PRORP: variants seen among roughly 807,000 people sequenced by gnomAD.
PRORP encodes the protein mitochondrial ribonuclease P catalytic subunit.
In PRORP, 51 loss-of-function variants were observed where a neutral mutation model predicts 59.4. The ratio of observed to expected loss-of-function variants is 0.86; its 90% CI spans 0.69 to 1.08. The LOEUF (loss-of-function observed/expected upper bound fraction) is 1.08. Among genes scored for constraint, PRORP ranks in the 50% least tolerant of loss-of-function variants. The pLI, the probability that PRORP is intolerant of heterozygous loss-of-function variation, is 0.00. For synonymous variants in PRORP, 231 were observed against 245.6 expected, an observed-to-expected ratio of 0.94 and a Z score of 0.55; for missense variants, 646 against 690.3, an observed-to-expected ratio of 0.94 and a Z score of 0.72.
At chr14:35,263,324 T>A (rs1338199806) in intron 5 of PRORP, among the ~76,000 whole-genome samples, 2 of 152,236 alleles carry the variant, frequency 1.3e-5, no homozygotes, top group East Asian at 3.9e-4. Flanking sequence ...AACGAAAAAA[T>A]ATATTTATGA....
intron 4 of PRORP, among the ~76,000 whole-genome samples, chr14:35,149,907 C>T (rs1262977917): frequency 3.3e-5 from 5 of 152,012 alleles, no homozygotes; most frequent in South Asian, 4.2e-4. Flanking sequence ...TGGAGTGCAG[C>T]GGCATAATCT....
At chr14:35,258,282 G>A (rs1237319189) in intron 5 of PRORP, among the ~76,000 whole-genome samples, 3 of 152,014 alleles carry the variant, frequency 2.0e-5, no homozygotes, top group African/African-American at 4.8e-5. Context: ...ATGAGCCACC[G>A]CACCTGGCAA....
At chr14:35,197,272 C>G (rs969006923) in intron 5 of PRORP, among the ~76,000 whole-genome samples, 1 of 152,078 alleles carries the variant, frequency 6.6e-6, no homozygotes, top group East Asian at 1.9e-4. Context: ...TTTTAAAACA[C>G]TCTCATTGAG....
intron 5 of PRORP, among the ~76,000 whole-genome samples, chr14:35,261,716 G>T (rs199812355): frequency 2.0e-5 from 3 of 151,794 alleles, no homozygotes; most frequent in Non-Finnish European, 2.9e-5. Flanking sequence ...GTAACAGAGC[G>T]AGACTCTGTC....
chr14:35,124,375 C>T lies in PRORP; in HGVS notation c.986+144C>T, dbSNP rs966699029. 1.9e-5 allele frequency: 9 copies of T among 473,790 alleles called. No homozygotes were observed. The East Asian group carries it at 3.0e-4, about 16-fold the overall frequency. 29.3% of individuals were successfully genotyped at this position (473,790 alleles called of 1,614,324 possible). The stretch of plus-strand genomic sequence containing the variant: ...CTCAAACTCCTGGCCTCAAGTGATC[C>T]TCTCGCTTCAGTCTCCTCAGTAGCT... On this transcript the variant is annotated intron_variant, in intron 2 of 7. Transcript: ENST00000534898.
At chr14:35,146,537 C>G (rs1157594916) in intron 4 of PRORP, among the ~76,000 whole-genome samples, 1 of 151,910 alleles carries the variant, frequency 6.6e-6, no homozygotes, top group Non-Finnish European at 1.5e-5. Context: ...GTTTGAAGAT[C>G]TTGTCATCTC....
rs1208235251 is a variant in PRORP, at chr14:35,187,427, TG to T, written c.1275+6651del. On this transcript the variant is annotated intron_variant, in intron 5 of 7. Transcript: ENST00000534898. ...AGGACCTGGTATATTGTAGTTTCTTTGTTTTTTTTTTTTTTTTAGATGGAGT... is the reference window on the plus strand; with the variant it reads ...AGGACCTGGTATATTGTAGTTTCTTTTTTTTTTTTTTTTTTTAGATGGAGT... 8.9e-4 allele frequency among the ~76,000 whole-genome samples: 80 copies of T among 89,838 alleles called. 1 individual carries two copies. The Middle Eastern group carries it at 0.023, about 26-fold the overall frequency. 58.9% of individuals were successfully genotyped at this position (89,838 alleles called of 152,430 possible).
In PRORP at chr14:35,273,793, C is replaced by T. The variant is rs2051256691; in HGVS notation, c.*227C>T. ...TGGAGGCTTATCAAGAGTTGGAGAA[C>T]TTAGTGTAGAGCAAAACCTGCATTT... On this transcript the variant is annotated 3_prime_UTR_variant, in exon 8 of 8. Transcript: ENST00000534898. 1 of 325,676 alleles carries T rather than the reference C, an allele frequency of 3.1e-6. No homozygotes were observed. The highest frequency in any genetic ancestry group is 5.6e-6 in the Non-Finnish European group (1 of 180,058). 20.2% of individuals were successfully genotyped at this position (325,676 alleles called of 1,614,324 possible). A position where few individuals can be genotyped will look rare whatever the true frequency, so the allele number is the denominator to read the frequency against.
intron 4 of PRORP, among the ~76,000 whole-genome samples, chr14:35,150,193 A>G (rs1249537143): frequency 1.3e-5 from 2 of 152,136 alleles, no homozygotes; most frequent in Non-Finnish European, 2.9e-5. Context: ...AGTGATTTCA[A>G]GCTTTTGATT....
At chr14:35,154,365 C>A (rs953953641) in intron 4 of PRORP, among the ~76,000 whole-genome samples, 2 of 152,132 alleles carry the variant, frequency 1.3e-5, no homozygotes, top group Non-Finnish European at 2.9e-5. Context: ...TCCTTAATAT[C>A]TAAAGGGAGA....
intron 5 of PRORP, among the ~76,000 whole-genome samples, chr14:35,252,556 C>CCAA (rs2050641219): frequency 6.6e-6 from 1 of 152,196 alleles, no homozygotes; most frequent in Admixed American, 6.5e-5. Context: ...CCCCACTGGG[C>CCAA]CAACTGCTGC....
intron 3 of PRORP, among the ~76,000 whole-genome samples, chr14:35,127,188 C>T (rs1204779571): frequency 6.6e-6 from 1 of 151,868 alleles, no homozygotes; most frequent in East Asian, 1.9e-4. Flanking sequence ...TCAGGAGATT[C>T]GAGACCATCC....
intron 5 of PRORP, among the ~76,000 whole-genome samples, chr14:35,181,231 T>C (rs2048597763): frequency 6.6e-6 from 1 of 152,220 alleles, no homozygotes; most frequent in Admixed American, 6.5e-5. Flanking sequence ...AGTTTTTTTT[T>C]CTATATGGTA....
chr14:35,184,383 C>T (rs1273244191), intron 5 of PRORP, among the ~76,000 whole-genome samples: 2 of 152,056 alleles, frequency 1.3e-5, no homozygotes, highest in African/African-American at 4.8e-5. Flanking sequence ...ACTTGCCAGC[C>T]ACCATGTAGA....
In PRORP at chr14:35,174,750, CT is replaced by C. The variant is rs113505782; in HGVS notation, c.1168-5906del. Among the ~76,000 whole-genome samples, 385 of 132,306 alleles carry C rather than the reference CT, an allele frequency of 2.9e-3. 1 individual carries two copies. The highest frequency in any genetic ancestry group is 9.2e-3 in the African/African-American group (297 of 32,458). 86.8% of individuals were successfully genotyped at this position (132,306 alleles called of 152,430 possible). A position where few individuals can be genotyped will look rare whatever the true frequency, so the allele number is the denominator to read the frequency against. ...GACAGTTCATTCTTCTTTTTTTTTT[CT>C]TTTTTTTTTTTTTATTATACTTTAA... On this transcript the variant is annotated intron_variant, in intron 4 of 7. Transcript: ENST00000534898.
chr14:35,254,637 C>G (rs2050702429), intron 5 of PRORP, among the ~76,000 whole-genome samples: 1 of 152,202 alleles, frequency 6.6e-6, no homozygotes, highest in Non-Finnish European at 1.5e-5. Flanking sequence ...GGTGCTCCAC[C>G]CGCTTTGGCC....
rs146868593 is a variant in PRORP, at chr14:35,197,599, T to G, written c.1275+16822T>G. ...TTAAGATCAGTTGATTAAGATCAGT[T>G]CAGATCTTAGATTTCTTTTGCAGTG... On this transcript the variant is annotated intron_variant, in intron 5 of 7. Coordinates refer to ENST00000534898, the MANE Select transcript of PRORP (RefSeq NM_014672.4). 6.4e-4 allele frequency among the ~76,000 whole-genome samples: 97 copies of G among 152,320 alleles called. No homozygotes were observed. The East Asian group carries it at 0.016, about 25-fold the overall frequency.
chr14:35,240,074 CAAAAAAA>C (rs773150066), intron 5 of PRORP, among the ~76,000 whole-genome samples: 1 of 107,294 alleles, frequency 9.3e-6, no homozygotes, highest in Admixed American at 9.3e-5. Context: ...GACTCCATCT[CAAAAAAA>C]AAAAAAAAAG....
chr14:35,221,071 A>G (rs1161579815), intron 5 of PRORP, among the ~76,000 whole-genome samples: 3 of 152,148 alleles, frequency 2.0e-5, no homozygotes, highest in African/African-American at 7.2e-5. Flanking sequence ...GTTGTAGTAG[A>G]TATTAGCTGG....
Sources: allele counts gnomAD v4.1 joint callset (sites outside exome capture counted in the v4.1 genomes callset), GRCh38; gene constraint gnomAD v4.1.1; transcripts MANE v1.5; gene names NCBI Gene and HGNC (gene_info 2026-07-23, HGNC 2026-07-21).